Variants in SLC24A2 observed in about 807,000 individuals in gnomAD.
SLC24A2 encodes sodium/potassium/calcium exchanger 2.
A neutral mutation model predicts 62.0 loss-of-function variants in SLC24A2; 36 were observed. The ratio of observed to expected loss-of-function variants is 0.58; its 90% confidence interval spans 0.44 to 0.77. The LOEUF (loss-of-function observed/expected upper bound fraction) is 0.77, where lower values mean the gene tolerates loss of function less well. Among genes scored for constraint, SLC24A2 ranks in the 30% least tolerant of loss-of-function variants. The pLI, the probability that SLC24A2 is intolerant of heterozygous loss-of-function variation, is 0.00. For missense variants in SLC24A2, 846 were observed against 817.9 expected (o/e 1.03, Z -0.42); for synonymous variants, 358 against 294.0 (o/e 1.22, Z -2.23).
chr9:19,708,683 T>C (rs1237315249), intron 2 of SLC24A2, among the ~76,000 whole-genome samples: 1 of 152,210 alleles, frequency 6.6e-6, no homozygotes, highest in African/African-American at 2.4e-5. Context: ...TAAATGGTGC[T>C]GGGAAAACTG....
intron 7 of SLC24A2, among the ~76,000 whole-genome samples, chr9:19,564,554 A>G (rs150069035): frequency 2.9e-4 from 4 of 13,918 alleles, no homozygotes; most frequent in Admixed American, 1.7e-3. Context: ...CTATCTGTCT[A>G]TCAATCAATC....
At chr9:20,031,992 C>G in the SLC24A2 span, among the ~76,000 whole-genome samples, 1 of 152,200 alleles carries the variant, frequency 6.6e-6, no homozygotes, top group African/African-American at 2.4e-5. Flanking sequence ...GGACACAATT[C>G]AGATCTTATG....
chr9:19,736,095 G>A (rs886550054), intron 2 of SLC24A2, among the ~76,000 whole-genome samples: 3 of 152,148 alleles, frequency 2.0e-5, no homozygotes, highest in African/African-American at 7.2e-5. Flanking sequence ...CTTAGTACAT[G>A]CTGTCTGGAA....
chr9:20,252,148 G>A, the SLC24A2 span, among the ~76,000 whole-genome samples: 1 of 152,214 alleles, frequency 6.6e-6, no homozygotes, highest in Non-Finnish European at 1.5e-5. Context: ...ATGAATGAAA[G>A]TAGACTGCTA....
intron 8 of SLC24A2, among the ~76,000 whole-genome samples, chr9:19,547,600 C>T (rs532749043): frequency 6.8e-6 from 1 of 147,708 alleles, no homozygotes; most frequent in Non-Finnish European, 1.5e-5. Context: ...CCTCCCAATT[C>T]TGAGAGTCAA....
At chr9:19,680,329 G>A (rs1241427277) in intron 2 of SLC24A2, among the ~76,000 whole-genome samples, 1 of 152,102 alleles carries the variant, frequency 6.6e-6, no homozygotes, top group Non-Finnish European at 1.5e-5. Context: ...CAAAGGCATG[G>A]ATGCAGAAAG....
At chr9:20,264,425 T>A in the SLC24A2 span, among the ~76,000 whole-genome samples, 9 of 152,188 alleles carry the variant, frequency 5.9e-5, no homozygotes, top group African/African-American at 1.4e-4. Context: ...GTGTTGCAGC[T>A]GAATTTGCCC....
the SLC24A2 span, among the ~76,000 whole-genome samples, chr9:19,836,536 T>C: frequency 6.6e-6 from 1 of 152,138 alleles, no homozygotes; most frequent in Non-Finnish European, 1.5e-5. Flanking sequence ...AGGAAGAAGT[T>C]GAATCTCTGA....
chr9:20,088,323 G>C, the SLC24A2 span, among the ~76,000 whole-genome samples: 1 of 151,736 alleles, frequency 6.6e-6, no homozygotes, highest in Non-Finnish European at 1.5e-5. Flanking sequence ...GCAGGCTGCC[G>C]GCTTTGCTGT....
chr9:20,140,472 T>A, the SLC24A2 span, among the ~76,000 whole-genome samples: 2 of 152,184 alleles, frequency 1.3e-5, no homozygotes, highest in African/African-American at 4.8e-5. Context: ...TCTATTCCCT[T>A]GTGAAGACTC....
chr9:19,748,384 T>C (rs991916146), intron 2 of SLC24A2, among the ~76,000 whole-genome samples: 1 of 152,148 alleles, frequency 6.6e-6, no homozygotes, highest in Non-Finnish European at 1.5e-5. Flanking sequence ...CATTAATCCC[T>C]TCCCTCTGAA....
At chr9:19,685,022 C>A (rs1437244244) in intron 2 of SLC24A2, among the ~76,000 whole-genome samples, 1 of 152,042 alleles carries the variant, frequency 6.6e-6, no homozygotes, top group East Asian at 1.9e-4. Flanking sequence ...AATTAATGTA[C>A]AAAAATCACT....
the SLC24A2 span, among the ~76,000 whole-genome samples, chr9:20,197,665 C>G: frequency 6.6e-6 from 1 of 152,072 alleles, no homozygotes; most frequent in African/African-American, 2.4e-5. Flanking sequence ...CTCCTGGCCT[C>G]AAGTGATCTG....
the SLC24A2 span, among the ~76,000 whole-genome samples, chr9:20,040,198 G>T: frequency 3.3e-5 from 5 of 152,166 alleles, no homozygotes; most frequent in African/African-American, 9.7e-5. Flanking sequence ...AAGAGCGATG[G>T]AACGATTTTT....
At chr9:20,115,228 T>A in the SLC24A2 span, among the ~76,000 whole-genome samples, 3 of 152,248 alleles carry the variant, frequency 2.0e-5, no homozygotes, top group East Asian at 3.9e-4. Context: ...TCTCAGGTAA[T>A]GTCCCTCAGG....
chr9:20,060,996 T>C, the SLC24A2 span, among the ~76,000 whole-genome samples: 3 of 152,300 alleles, frequency 2.0e-5, no homozygotes, highest in African/African-American at 7.2e-5. Context: ...TCAGGATTTG[T>C]ATACTGAAAA....
At chr9:20,144,553 G>A in the SLC24A2 span, among the ~76,000 whole-genome samples, 3 of 152,144 alleles carry the variant, frequency 2.0e-5, no homozygotes, top group African/African-American at 7.2e-5. Context: ...TTTCTGAAAA[G>A]CATAGCAAGA....
chr9:19,949,834 G>T, the SLC24A2 span, among the ~76,000 whole-genome samples: 147 of 152,276 alleles, frequency 9.7e-4, no homozygotes, highest in African/African-American at 3.4e-3. Flanking sequence ...ATCACCTTGT[G>T]GAATGACACT....
the SLC24A2 span, among the ~76,000 whole-genome samples, chr9:20,105,672 C>G: frequency 6.6e-6 from 1 of 151,718 alleles, no homozygotes; most frequent in Non-Finnish European, 1.5e-5. Flanking sequence ...CACAACATAC[C>G]AGAATCTCCG....
Sources: gnomAD v4.1 joint callset for allele counts (sites outside exome capture counted in the v4.1 genomes callset) on GRCh38, gnomAD v4.1.1 for gene constraint, MANE v1.5 for transcripts, NCBI Gene and HGNC (gene_info 2026-07-23, HGNC 2026-07-21) for gene names.